Variants in HIBCH observed in about 807,000 individuals in gnomAD.
HIBCH encodes 3-hydroxyisobutyryl-CoA hydrolase, mitochondrial.
A neutral mutation model predicts 58.2 loss-of-function variants in HIBCH; 50 were observed. The ratio of observed to expected loss-of-function variants is 0.86; its 90% CI spans 0.68 to 1.09. HIBCH has a LOEUF of 1.09. HIBCH is among the 50% of genes least tolerant of loss of function. The pLI, the probability that HIBCH is intolerant of heterozygous loss-of-function variation, is 0.00. For missense variants in HIBCH, 450 were observed against 449.7 expected (o/e 1.00, Z -0.01); for synonymous variants, 151 against 146.9 (o/e 1.03, Z -0.20).
At chr2:190,200,031 G>C (rs1690174283), downstream of HIBCH, 2 of 1,614,132 alleles carry the variant, frequency 1.2e-6, no homozygotes, top group Non-Finnish European at 1.7e-6. Flanking sequence ...CCAATACTGT[G>C]ATCTTGGAAT....
intron 11 of HIBCH, chr2:190,213,461 T>C (rs1411014830): frequency 4.3e-6 from 1 of 232,312 alleles, no homozygotes; most frequent in South Asian, 5.8e-5. Context: ...ACAAAGTGTC[T>C]TGAATCGGCA....
intron 11 of HIBCH, among the ~76,000 whole-genome samples, chr2:190,232,612 T>C (rs559254598): frequency 6.6e-6 from 1 of 152,210 alleles, no homozygotes; most frequent in Non-Finnish European, 1.5e-5. Context: ...AGTACAACTA[T>C]ACGTTGGTGC....
chr2:190,274,015 T>C (rs1226645479), intron 6 of HIBCH, among the ~76,000 whole-genome samples: 1 of 152,166 alleles, frequency 6.6e-6, no homozygotes, highest in African/African-American at 2.4e-5. Context: ...TTGCCTAGGC[T>C]GGACTTGAAC....
At chr2:190,313,541 A>C (rs1377542100) in intron 1 of HIBCH, among the ~76,000 whole-genome samples, 1 of 151,624 alleles carries the variant, frequency 6.6e-6, no homozygotes, top group Non-Finnish European at 1.5e-5. Context: ...TTTCTTCACA[A>C]CACCACTTAT....
intron 8 of HIBCH, among the ~76,000 whole-genome samples, chr2:190,251,082 C>A (rs713425): frequency 0.3 from 45,155 of 151,986 alleles, 7,510 homozygotes; most frequent in East Asian, 0.45. Context: ...TTGTAACATA[C>A]AAGAGACTCT....
chr2:190,200,520 T>G (rs1426897794), downstream of HIBCH: 1 of 182,702 alleles, frequency 5.5e-6, no homozygotes, highest in African/African-American at 2.5e-5. Context: ...TTTTGTTTGT[T>G]TATACCCAAA....
chr2:190,297,874 T>G (rs1383740658), intron 2 of HIBCH, among the ~76,000 whole-genome samples: 1 of 152,118 alleles, frequency 6.6e-6, no homozygotes, highest in Non-Finnish European at 1.5e-5. Context: ...CTGCGTGCAT[T>G]AGGTATTTGT....
intron 2 of HIBCH, among the ~76,000 whole-genome samples, chr2:190,297,590 G>A (rs1037817451): frequency 6.6e-6 from 1 of 152,200 alleles, no homozygotes; most frequent in Admixed American, 6.5e-5. Flanking sequence ...GAAGTTTCCT[G>A]TATACTGACT....
intron 13 of HIBCH, 196 bp downstream of exon 13, chr2:190,208,684 T>C (rs1400899461): frequency 6.9e-6 from 4 of 580,140 alleles, no homozygotes; most frequent in South Asian, 4.1e-5. Flanking sequence ...TTTTTTTTTT[T>C]CAGATTTTGG....
intron 13 of HIBCH, among the ~76,000 whole-genome samples, chr2:190,205,717 T>C (rs1690373765): frequency 6.7e-6 from 1 of 150,190 alleles, no homozygotes. Flanking sequence ...GTGGATACTG[T>C]TGTTCTGCTG....
chr2:190,250,716 T>C (rs996970286), intron 8 of HIBCH, among the ~76,000 whole-genome samples: 1 of 152,166 alleles, frequency 6.6e-6, no homozygotes, highest in African/African-American at 2.4e-5. Context: ...TGGCCAAACA[T>C]GATAGAAAGG....
rs907219558 is a variant in HIBCH at position 190,207,853 on chromosome 2, C to G, written c.1045+1027G>C. Among the ~76,000 whole-genome samples the G allele has an allele frequency of 2.0e-5, 3 of 151,802 alleles. No individual in the cohort carries two copies. The highest frequency in any genetic ancestry group is 1.5e-5 in the Non-Finnish European group (1 of 68,002). On this transcript the variant is annotated intron_variant, in intron 13 of 13. Transcript: ENST00000359678. The surrounding 1 kb of genome is among the most constrained non-coding windows in gnomAD (Gnocchi z 4.5). ...CCGAAAGTGCACCACTGCACTCCAG[C>G]CTGGGTGACAGTGTGAGACCCTGTC...
chr2:190,282,340 T>C (rs1687723292), intron 6 of HIBCH, among the ~76,000 whole-genome samples: 1 of 152,230 alleles, frequency 6.6e-6, no homozygotes, highest in African/African-American at 2.4e-5. Context: ...AAGTTCAAGA[T>C]TGAGAGGCTG....
At chr2:190,222,496 T>C (rs1165617172) in intron 11 of HIBCH, among the ~76,000 whole-genome samples, 2 of 151,258 alleles carry the variant, frequency 1.3e-5, no homozygotes, top group African/African-American at 2.4e-5. Flanking sequence ...AAGACATTTA[T>C]GCAGCCAACA....
intron 11 of HIBCH, among the ~76,000 whole-genome samples, chr2:190,238,067 C>A (rs896114551): frequency 1.4e-4 from 22 of 152,132 alleles, no homozygotes; most frequent in Non-Finnish European, 1.5e-5. Context: ...TATCCAGTCT[C>A]TCATTGTCAG....
intron 9 of HIBCH, among the ~76,000 whole-genome samples, chr2:190,247,128 A>C (rs1686631412): frequency 6.6e-6 from 1 of 151,948 alleles, no homozygotes; most frequent in Non-Finnish European, 1.5e-5. Context: ...CATTATTACT[A>C]TTGAGCAGAT....
At position 190,194,857 on chromosome 2, in the gene HIBCH, G is replaced by T. The variant is rs149797082; in HGVS notation, c.*18-4860C>A. ...GTTCCTCCTTTTCTTCCCATGGCTG[G>T]ATTATTATTTTTTGAGGTGGGGTCT... is the stretch of plus-strand genomic sequence containing the variant. On this transcript the variant is annotated intron_variant, in intron 1 of 1. Coordinates refer to the HIBCH transcript ENST00000399855. Among the ~76,000 whole-genome samples, 1,020 of 152,020 alleles carry T rather than the reference G, an allele frequency of 6.7e-3. 12 individuals are homozygous for T. Among genetic ancestry groups the T allele is most frequent in the African/African-American group, 0.022 (924 of 41,486 alleles).
rs1378003454 is a variant in HIBCH at position 190,214,836 on chromosome 2, G to C, written c.892-1761C>G. 1 of 152,248 alleles carries C rather than the reference G, an allele frequency of 6.6e-6. No individual in the cohort carries two copies. The highest frequency in any genetic ancestry group is 1.5e-5 in the Non-Finnish European group (1 of 68,108). The allele number at this position is 152,248 out of a possible 1,614,324, so 9.4% of individuals were successfully genotyped here. Reference sequence around the variant, plus strand: ...GGCAAGAGGAAGGTCGAGGAAAGAGGAATCTGGGGATCATGAAGGAGCTAA... The same window carrying C: ...GGCAAGAGGAAGGTCGAGGAAAGAGCAATCTGGGGATCATGAAGGAGCTAA... On this transcript the variant is annotated intron_variant, in intron 11 of 13. Coordinates refer to ENST00000359678, the MANE Select transcript of HIBCH (RefSeq NM_014362.4). The surrounding 1 kb of genome is among the most constrained non-coding windows in gnomAD (Gnocchi z 5.5).
At chr2:190,314,954 C>CT (rs564422020) in intron 1 of HIBCH, among the ~76,000 whole-genome samples, 2,364 of 145,762 alleles carry the variant, frequency 0.016, 41 homozygotes, top group Admixed American at 0.039. Flanking sequence ...CTCTCCGCTC[C>CT]TTTTTTTTTT....
Sources: allele counts gnomAD v4.1 joint callset (sites outside exome capture counted in the v4.1 genomes callset), GRCh38; gene constraint gnomAD v4.1.1; non-coding constraint Gnocchi (gnomAD v3.1); transcripts MANE v1.5; gene names NCBI Gene and HGNC (gene_info 2026-07-23, HGNC 2026-07-21).